The following TIAM1 variants were observed in gnomAD, a reference collection of about 807,000 sequenced individuals.
TIAM1 encodes TIAM Rac1 associated GEF 1.
In TIAM1, 65 loss-of-function variants were observed where a neutral mutation model predicts 163.5. The ratio of observed to expected loss-of-function variants is 0.40; its 90% CI spans 0.33 to 0.49. TIAM1 has a LOEUF of 0.49. Ranked by LOEUF, TIAM1 falls within the 20% of genes least tolerant of loss-of-function variation. TIAM1 has a pLI of 0.77. For synonymous variants in TIAM1, 833 were observed against 810.1 expected, an observed-to-expected ratio of 1.03 and a Z score of -0.48; for missense variants, 1,789 against 2,044.7, an observed-to-expected ratio of 0.87 and a Z score of 2.41.
At chr21:31,523,874 C>T (rs944344605) in intron 1 of TIAM1, among the ~76,000 whole-genome samples, 54 of 150,512 alleles carry the variant, frequency 3.6e-4, no homozygotes, top group South Asian at 2.1e-4. Context: ...GCTGAGATCG[C>T]GCCACTGCAC....
chr21:31,483,864 A>C (rs1463600538), intron 1 of TIAM1, among the ~76,000 whole-genome samples: 1 of 152,084 alleles, frequency 6.6e-6, no homozygotes, highest in Non-Finnish European at 1.5e-5. Context: ...GACTGAACCA[A>C]GTCATTATGG....
intron 15 of TIAM1, among the ~76,000 whole-genome samples, chr21:31,178,399 G>C (rs966803996): frequency 7.8e-6 from 1 of 128,250 alleles, no homozygotes; most frequent in South Asian, 2.7e-4. Flanking sequence ...CTCTGCCCCC[G>C]GGGTTCACGC....
intron 8 of TIAM1, among the ~76,000 whole-genome samples, chr21:31,222,693 ATATATATATATATATTTTTTTTTTTTTT>A (rs2087641398): frequency 2.5e-5 from 1 of 39,912 alleles, no homozygotes; most frequent in African/African-American, 8.3e-5. Flanking sequence ...ATATATATAT[ATATATATATATATATTTTTTTTTTTTTT>A]TTTTTTTTTT....
intron 2 of TIAM1, among the ~76,000 whole-genome samples, chr21:31,298,298 C>G (rs1427371156): frequency 6.6e-6 from 1 of 152,224 alleles, no homozygotes; most frequent in Non-Finnish European, 1.5e-5. Flanking sequence ...CCAACTCCAA[C>G]AGTAACGAAA....
intron 2 of TIAM1, among the ~76,000 whole-genome samples, chr21:31,361,995 A>C (rs183525444): frequency 7.2e-5 from 11 of 152,230 alleles, no homozygotes; most frequent in Admixed American, 7.2e-4. Flanking sequence ...TATATGACTG[A>C]CATAAAAACA....
At chr21:31,472,476 G>A (rs998908953) in intron 1 of TIAM1, among the ~76,000 whole-genome samples, 7 of 152,130 alleles carry the variant, frequency 4.6e-5, no homozygotes, top group East Asian at 3.9e-4. Context: ...TCAGTGAGCC[G>A]AGATCGTGCC....
At chr21:31,404,922 C>T (rs2077222444) in intron 2 of TIAM1, among the ~76,000 whole-genome samples, 1 of 152,078 alleles carries the variant, frequency 6.6e-6, no homozygotes, top group African/African-American at 2.4e-5. Flanking sequence ...CTCCTAGATC[C>T]TAATATTTTG....
intron 2 of TIAM1, among the ~76,000 whole-genome samples, chr21:31,419,189 T>C (rs1340134160): frequency 6.6e-6 from 1 of 152,208 alleles, no homozygotes; most frequent in African/African-American, 2.4e-5. Context: ...AGCACAAGGA[T>C]GGTACTCAGC....
chr21:31,543,723 T>G (rs932764280), intron 1 of TIAM1, among the ~76,000 whole-genome samples: 2 of 152,214 alleles, frequency 1.3e-5, no homozygotes, highest in Non-Finnish European at 2.9e-5. Context: ...AAGTAACTCC[T>G]GTTTCACTGG....
chr21:31,378,897 A>G (rs1478638944), intron 2 of TIAM1, among the ~76,000 whole-genome samples: 1 of 152,228 alleles, frequency 6.6e-6, no homozygotes, highest in African/African-American at 2.4e-5. Context: ...TATTATAAGT[A>G]ATCTAGAGAT....
At chr21:31,368,554 T>A (rs532211020) in intron 2 of TIAM1, among the ~76,000 whole-genome samples, 8 of 152,218 alleles carry the variant, frequency 5.3e-5, no homozygotes, top group African/African-American at 1.9e-4. Context: ...GACCAAACTT[T>A]CACATCACAA....
At chr21:31,475,768 G>C (rs559093476) in intron 1 of TIAM1, among the ~76,000 whole-genome samples, 1 of 152,240 alleles carries the variant, frequency 6.6e-6, no homozygotes, top group East Asian at 1.9e-4. Flanking sequence ...AGGAAACGCA[G>C]AGAAAACAGC....
At chr21:31,275,071 G>A (rs1345156908) in intron 3 of TIAM1, among the ~76,000 whole-genome samples, 8 of 150,758 alleles carry the variant, frequency 5.3e-5, no homozygotes, top group Admixed American at 2.0e-4. Context: ...GCAGTGAGCC[G>A]AGATTGCACC....
At chr21:31,250,423 G>A (rs1374463364) in intron 5 of TIAM1, among the ~76,000 whole-genome samples, 1 of 152,156 alleles carries the variant, frequency 6.6e-6, no homozygotes, top group Non-Finnish European at 1.5e-5. Flanking sequence ...AGCAACAGCT[G>A]GCACCAAGAA....
Position 31,395,645 on chromosome 21 carries a change from A to T in TIAM1, c.-368-56223T>A, listed in dbSNP as rs1419454503. On this transcript the variant is annotated intron_variant, in intron 2 of 28. Transcript: ENST00000286827. The surrounding 1 kb of genome is among the most constrained non-coding windows in gnomAD (Gnocchi z 7.5). ...GAACTTACACAGAGGGCATGGGGGT[A>T]GTAAAAGGTGCTGGACGAGAGAATA... Among the ~76,000 whole-genome samples the T allele has an allele frequency of 6.6e-6, 1 of 152,220 alleles. No homozygotes were observed. The highest frequency in any genetic ancestry group is 1.5e-5 in the Non-Finnish European group (1 of 68,038).
At chr21:31,473,448 A>AC in intron 1 of TIAM1, among the ~76,000 whole-genome samples, 1 of 87,142 alleles carries the variant, frequency 1.1e-5, no homozygotes, top group Non-Finnish European at 2.6e-5. Context: ...AAAAAAAAAA[A>AC]AAAAAAAAAA....
At chr21:31,356,259 T>C (rs536692079) in intron 2 of TIAM1, among the ~76,000 whole-genome samples, 1 of 152,318 alleles carries the variant, frequency 6.6e-6, no homozygotes, top group African/African-American at 2.4e-5. Context: ...ATACATTCAC[T>C]AAGGATGTTC....
chr21:31,453,160 A>T, intron 2 of TIAM1: 1 of 294,112 alleles, frequency 3.4e-6, no homozygotes, highest in South Asian at 4.4e-5. Context: ...TGAAAGTGAA[A>T]AACACAGTGG....
intron 2 of TIAM1, among the ~76,000 whole-genome samples, chr21:31,423,484 CCA>C (rs1313158939): frequency 6.6e-6 from 1 of 151,922 alleles, no homozygotes; most frequent in Non-Finnish European, 1.5e-5. Context: ...TTCAGAGAAT[CCA>C]CAGTTTCTCC....
Sources: allele counts gnomAD v4.1 joint callset (sites outside exome capture counted in the v4.1 genomes callset), GRCh38; gene constraint gnomAD v4.1.1; non-coding constraint Gnocchi (gnomAD v3.1); transcripts MANE v1.5; gene names NCBI Gene and HGNC (gene_info 2026-07-23, HGNC 2026-07-21).